Variants in NEDD4L observed in about 807,000 individuals in gnomAD.
NEDD4L encodes the protein E3 ubiquitin-protein ligase NEDD4-like.
NEDD4L carries 54 observed loss-of-function variants against 148.9 expected under a neutral mutation model. The observed-to-expected ratio is 0.36, with a 90% CI of 0.29 to 0.45. The LOEUF is 0.45. NEDD4L is among the 20% of genes least tolerant of loss of function. NEDD4L has a pLI of 1.00. For missense variants in NEDD4L, 856 were observed against 1,233.8 expected (o/e 0.69, Z 4.59); for synonymous variants, 433 against 440.7 (o/e 0.98, Z 0.22).
At chr18:58,288,475 G>A (rs1297634308) in intron 5 of NEDD4L, among the ~76,000 whole-genome samples, 1 of 152,154 alleles carries the variant, frequency 6.6e-6, no homozygotes, top group African/African-American at 2.4e-5. Flanking sequence ...AATATGATTT[G>A]GTAATTGTTT....
intron 13 of NEDD4L, among the ~76,000 whole-genome samples, chr18:58,338,356 GC>G (rs1383208312): frequency 3.9e-5 from 6 of 152,206 alleles, no homozygotes; most frequent in African/African-American, 1.2e-4. Flanking sequence ...GCTGAGTCCT[GC>G]CCCCTCAACT....
intron 1 of NEDD4L, among the ~76,000 whole-genome samples, chr18:58,087,042 A>G (rs1405811234): frequency 6.6e-6 from 1 of 152,220 alleles, no homozygotes; most frequent in East Asian, 1.9e-4. Context: ...TTTAAACATT[A>G]GACTTCTGTG....
At chr18:58,223,445 G>C (rs1164949044) in intron 2 of NEDD4L, among the ~76,000 whole-genome samples, 4 of 152,164 alleles carry the variant, frequency 2.6e-5, no homozygotes, top group African/African-American at 9.7e-5. Context: ...GGTGATGGTG[G>C]GGGGCTCTAT....
At chr18:58,165,764 CT>C (rs1390896867) in intron 1 of NEDD4L, 23 bp from the exon 2 acceptor site, 2 of 1,600,234 alleles carry the variant, frequency 1.2e-6, no homozygotes, top group Non-Finnish European at 1.7e-6. Context: ...TTTTTAACCT[CT>C]TTTTTTGTTC....
At position 58,328,978 on chromosome 18, in the gene NEDD4L, C is replaced by G. The variant is rs761725985; in HGVS notation, c.681-17C>G. ...ACCACTTCTCTTCTTCTCTTTCCCC[C>G]TTTCCTGCATGCTCAGGGACGTGTC... is the stretch of plus-strand genomic sequence containing the variant. On this transcript the variant is annotated splice_polypyrimidine_tract_variant and intron_variant, in intron 9 of 30. Coordinates refer to ENST00000400345, the MANE Select transcript of NEDD4L (RefSeq NM_001144967.3). 3 of 1,613,778 alleles carry G rather than the reference C, an allele frequency of 1.9e-6. No homozygotes were observed. Among genetic ancestry groups the G allele is most frequent in the East Asian group, 2.2e-5 (1 of 44,894 alleles).
Position 58,398,157 on chromosome 18 carries a change from T to TAAAAAAAAAAAAAAAAAAAAAAAAAAA in NEDD4L, c.*1899_*1925dup, listed in dbSNP as rs35545013. 1.6e-4 allele frequency: 5 copies of TAAAAAAAAAAAAAAAAAAAAAAAAAAA among 30,982 alleles called. 1 individual carries two copies. Among genetic ancestry groups the TAAAAAAAAAAAAAAAAAAAAAAAAAAA allele is most frequent in the African/African-American group, 3.7e-4 (4 of 10,902 alleles). 1.9% of individuals were successfully genotyped at this position (30,982 alleles called of 1,614,324 possible). A position where few individuals can be genotyped will look rare whatever the true frequency, so the allele number is the denominator to read the frequency against. On this transcript the variant is annotated 3_prime_UTR_variant, in exon 31 of 31. Transcript: ENST00000400345. ...TCAGAAAACTTAGATGCTATGTAAC[T>TAAAAAAAAAAAAAAAAAAAAAAAAAAA]AAAAAAAAAAAAAAAAAAAAAAAAA... is the stretch of plus-strand genomic sequence containing the variant.
chr18:58,263,660 CTTTTTTTTTT>C (rs71173041), intron 5 of NEDD4L, among the ~76,000 whole-genome samples: 1 of 103,724 alleles, frequency 9.6e-6, no homozygotes, highest in African/African-American at 3.7e-5. Context: ...ACTTCTTAGG[CTTTTTTTTTT>C]TTTTTTTTCT....
chr18:58,149,373 G>T, intron 1 of NEDD4L: 1 of 1,433,894 alleles, frequency 7.0e-7, no homozygotes. Flanking sequence ...CTGCTTTCCT[G>T]GGAGTCAAGT....
intron 1 of NEDD4L, among the ~76,000 whole-genome samples, chr18:58,086,580 T>G (rs1349551090): frequency 6.6e-6 from 1 of 152,248 alleles, no homozygotes; most frequent in African/African-American, 2.4e-5. Flanking sequence ...TTTGTTGTTC[T>G]GATATTTCCA....
intron 1 of NEDD4L, among the ~76,000 whole-genome samples, chr18:58,086,836 C>T (rs1262295713): frequency 6.6e-6 from 1 of 152,192 alleles, no homozygotes; most frequent in African/African-American, 2.4e-5. Context: ...TTCATTGTGT[C>T]ACACATTCAT....
chr18:58,365,825 G>C (rs917246690), intron 20 of NEDD4L, among the ~76,000 whole-genome samples, 174 bp from the exon 21 acceptor site: 10 of 152,202 alleles, frequency 6.6e-5, no homozygotes, highest in Non-Finnish European at 1.0e-4. Flanking sequence ...GACACAGCAA[G>C]GCTTTCTGTC....
At chr18:58,250,863 C>T (rs2047839926) in intron 4 of NEDD4L, among the ~76,000 whole-genome samples, 1 of 152,140 alleles carries the variant, frequency 6.6e-6, no homozygotes, top group Admixed American at 6.5e-5. Flanking sequence ...CTCTATGTCA[C>T]ACATGTGGTT....
At chr18:58,277,787 T>C (rs1402449165) in intron 5 of NEDD4L, among the ~76,000 whole-genome samples, 1 of 152,212 alleles carries the variant, frequency 6.6e-6, no homozygotes, top group Non-Finnish European at 1.5e-5. Flanking sequence ...TGAGATTCTG[T>C]TTATGCTGTT....
At chr18:58,306,848 G>T (rs993057093) in intron 5 of NEDD4L, among the ~76,000 whole-genome samples, 1 of 152,176 alleles carries the variant, frequency 6.6e-6, no homozygotes, top group Non-Finnish European at 1.5e-5. Flanking sequence ...TGGCCAGGCT[G>T]TTCTCGAACT....
chr18:58,101,665 A>G (rs1194967309), intron 1 of NEDD4L, among the ~76,000 whole-genome samples: 31 of 152,246 alleles, frequency 2.0e-4, no homozygotes, highest in Admixed American at 2.0e-3. Context: ...ATCATGAAAT[A>G]GAAAACTGTA....
chr18:58,114,971 C>G (rs2085690249), intron 1 of NEDD4L, among the ~76,000 whole-genome samples: 1 of 152,194 alleles, frequency 6.6e-6, no homozygotes, highest in Admixed American at 6.5e-5. Flanking sequence ...GATAATCTCC[C>G]TATTTTAAGG....
chr18:58,252,629 C>G (rs1226354452), intron 5 of NEDD4L, among the ~76,000 whole-genome samples: 1 of 152,140 alleles, frequency 6.6e-6, no homozygotes, highest in African/African-American at 2.4e-5. Context: ...ATAACAGATA[C>G]AAACTAACAT....
In NEDD4L at chr18:58,396,639, A is replaced by T. The variant is rs566337729; in HGVS notation, c.*370A>T. On this transcript the variant is annotated 3_prime_UTR_variant, in exon 31 of 31. Coordinates refer to ENST00000400345, the MANE Select transcript of NEDD4L (RefSeq NM_001144967.3). ...GTATTACGACTCATGTTTACTTTTT[A>T]AAATGATTTAGACCGATTTTCAGAT... 140 of 155,978 alleles carry T rather than the reference A, an allele frequency of 9.0e-4. No homozygotes were observed. The highest frequency in any genetic ancestry group is 3.2e-3 in the African/African-American group (135 of 41,668). The allele number at this position is 155,978 out of a possible 1,614,324, so 9.7% of individuals were successfully genotyped here. A position where few individuals can be genotyped will look rare whatever the true frequency, so the allele number is the denominator to read the frequency against.
chr18:58,395,126 G>C (rs1249057124), intron 30 of NEDD4L, among the ~76,000 whole-genome samples: 1 of 152,196 alleles, frequency 6.6e-6, no homozygotes, highest in African/African-American at 2.4e-5. Flanking sequence ...AGACAAGGCT[G>C]ATGGGGCATG....
Sources: allele counts gnomAD v4.1 joint callset (sites outside exome capture counted in the v4.1 genomes callset), GRCh38; gene constraint gnomAD v4.1.1; transcripts MANE v1.5; gene names NCBI Gene and HGNC (gene_info 2026-07-23, HGNC 2026-07-21).